FNBP1L: variants seen among roughly 807,000 people sequenced by gnomAD.
The protein encoded by FNBP1L is formin-binding protein 1-like.
FNBP1L carries 36 observed loss-of-function variants against 91.2 expected under a neutral mutation model. The observed-to-expected ratio is 0.39, with a 90% CI of 0.30 to 0.52. The LOEUF (loss-of-function observed/expected upper bound fraction) is 0.52. FNBP1L is among the 20% of genes least tolerant of loss of function. FNBP1L has a pLI of 0.66. For missense variants in FNBP1L, 571 were observed against 732.1 expected (o/e 0.78, Z 2.54); for synonymous variants, 242 against 237.0 (o/e 1.02, Z -0.19).
chr1:93,531,635 G>A (rs939730470), intron 7 of FNBP1L, among the ~76,000 whole-genome samples: 5 of 152,150 alleles, frequency 3.3e-5, no homozygotes, highest in Admixed American at 2.6e-4. Context: ...ACTGGAGTGG[G>A]GACCAGAATT....
At chr1:93,471,030 T>A (rs530331367) in intron 1 of FNBP1L, among the ~76,000 whole-genome samples, 21 of 152,304 alleles carry the variant, frequency 1.4e-4, no homozygotes, top group Middle Eastern at 3.4e-3. Context: ...AATATTATTC[T>A]TTTTTAGTGA....
chr1:93,525,068 CA>C (rs35709316), intron 5 of FNBP1L, among the ~76,000 whole-genome samples: 68,469 of 135,748 alleles, frequency 0.5, 18,712 homozygotes, highest in Non-Finnish European at 0.62. Flanking sequence ...GGATTAGAGT[CA>C]AAAAAAAAAA....
At chr1:93,548,486 ATTTAC>A (rs1221947762) in intron 14 of FNBP1L, among the ~76,000 whole-genome samples, 2 of 152,118 alleles carry the variant, frequency 1.3e-5, no homozygotes, top group East Asian at 1.9e-4. Context: ...TTAGTTGGAA[ATTTAC>A]TTTACTTTTT....
intron 1 of FNBP1L, 31 bp from the exon 2 acceptor site, chr1:93,499,437 T>C (rs1670372209): frequency 7.1e-7 from 1 of 1,411,244 alleles, no homozygotes; most frequent in Non-Finnish European, 9.8e-7. Context: ...TTTTAGACTT[T>C]TGAAAATGCA....
intron 11 of FNBP1L, among the ~76,000 whole-genome samples, chr1:93,542,568 T>C (rs1672082239): frequency 6.6e-6 from 1 of 151,150 alleles, no homozygotes; most frequent in Non-Finnish European, 1.5e-5. Flanking sequence ...ATTAATTAAA[T>C]GTTACATTTA....
intron 1 of FNBP1L, among the ~76,000 whole-genome samples, chr1:93,480,650 A>G (rs565166280): frequency 2.8e-4 from 42 of 151,894 alleles, no homozygotes; most frequent in African/African-American, 8.9e-4. Flanking sequence ...CAGTGGCACA[A>G]TCTTGGCTCA....
chr1:93,455,627 A>C (rs1668636898), intron 1 of FNBP1L, among the ~76,000 whole-genome samples: 1 of 152,214 alleles, frequency 6.6e-6, no homozygotes, highest in South Asian at 2.1e-4. Flanking sequence ...ACTGGGAAAA[A>C]TGCAGTTAGT....
intron 1 of FNBP1L, among the ~76,000 whole-genome samples, chr1:93,473,185 A>G (rs909726107): frequency 6.6e-6 from 1 of 151,786 alleles, no homozygotes; most frequent in East Asian, 1.9e-4. Context: ...GTTGCTTTAG[A>G]TGGAAGTGTA....
At chr1:93,534,312 T>A (rs1157288162) in intron 8 of FNBP1L, among the ~76,000 whole-genome samples, 2 of 152,162 alleles carry the variant, frequency 1.3e-5, no homozygotes, top group Non-Finnish European at 2.9e-5. Flanking sequence ...TTTGTTGACA[T>A]CTATCTTTTA....
chr1:93,524,134 C>A, intron 4 of FNBP1L, 127 bp from the exon 5 acceptor site: 4 of 627,770 alleles, frequency 6.4e-6, no homozygotes, highest in East Asian at 3.8e-5. Context: ...ATAATTAGTA[C>A]CTTGAAAAAA....
chr1:93,514,290 A>C (rs1238255997), intron 2 of FNBP1L, among the ~76,000 whole-genome samples: 1 of 152,060 alleles, frequency 6.6e-6, no homozygotes, highest in Admixed American at 6.6e-5. Context: ...ATGGAAGAAC[A>C]TTCCATGCTC....
chr1:93,483,228 G>T (rs1173508099), intron 1 of FNBP1L, among the ~76,000 whole-genome samples: 1 of 148,576 alleles, frequency 6.7e-6, no homozygotes, highest in Non-Finnish European at 1.5e-5. Flanking sequence ...AAAGCTAGTA[G>T]CAACCACCCT....
intron 10 of FNBP1L, among the ~76,000 whole-genome samples, chr1:93,539,156 T>G (rs1313523328): frequency 6.6e-6 from 1 of 152,078 alleles, no homozygotes; most frequent in East Asian, 1.9e-4. Context: ...TCTCTGAATA[T>G]TTATGACTTT....
intron 2 of FNBP1L, among the ~76,000 whole-genome samples, chr1:93,516,730 A>G (rs1481203396): frequency 6.6e-6 from 1 of 152,058 alleles, no homozygotes; most frequent in South Asian, 2.1e-4. Flanking sequence ...AAAAAAAAGT[A>G]GTCAATCTTT....
chr1:93,499,293 C>T (rs952362251), intron 1 of FNBP1L, among the ~76,000 whole-genome samples, 175 bp from the exon 2 acceptor site: 3 of 152,046 alleles, frequency 2.0e-5, no homozygotes, highest in African/African-American at 7.2e-5. Context: ...ATGATTTATG[C>T]TTAGGGACGA....
chr1:93,547,010 A>G (rs773425147), intron 13 of FNBP1L, 36 bp downstream of exon 13: 4 of 1,574,792 alleles, frequency 2.5e-6, no homozygotes, highest in Non-Finnish European at 3.4e-6. Context: ...AAGATAAATT[A>G]TTTTTATAAA....
intron 1 of FNBP1L, among the ~76,000 whole-genome samples, chr1:93,469,695 T>C (rs1669216997): frequency 6.6e-6 from 1 of 152,090 alleles, no homozygotes. Flanking sequence ...AGTGGTACTG[T>C]TTAAGAAAAG....
At chr1:93,475,367 ACCTTCGTCTAAAAAAATACAAAAAAAT>A (rs951035725) in intron 1 of FNBP1L, among the ~76,000 whole-genome samples, 5 of 151,908 alleles carry the variant, frequency 3.3e-5, no homozygotes, top group Admixed American at 1.3e-4. Flanking sequence ...GTAGAGAGAC[ACCTTCGTCTAAAAAAATACAAAAAAAT>A]TAGGCAGGGT....
intron 1 of FNBP1L, among the ~76,000 whole-genome samples, chr1:93,476,050 A>G (rs1669483246): frequency 6.6e-6 from 1 of 152,024 alleles, no homozygotes; most frequent in Non-Finnish European, 1.5e-5. Flanking sequence ...CAATATGTTT[A>G]TATTTTCCTT....
Sources: allele counts gnomAD v4.1 joint callset (sites outside exome capture counted in the v4.1 genomes callset), GRCh38; gene constraint gnomAD v4.1.1; transcripts MANE v1.5; gene names NCBI Gene and HGNC (gene_info 2026-07-23, HGNC 2026-07-21).